The following NECAB1 variants were observed in gnomAD, a reference collection of about 807,000 sequenced individuals.
NECAB1 encodes the protein N-terminal EF-hand calcium-binding protein 1.
In NECAB1, 29 loss-of-function variants were observed where a neutral mutation model predicts 57.5. That is an observed-to-expected ratio of 0.50 (90% CI 0.38 to 0.69). The LOEUF (loss-of-function observed/expected upper bound fraction) is 0.69, where lower values mean the gene tolerates loss of function less well. Among genes scored for constraint, NECAB1 ranks in the 30% least tolerant of loss-of-function variants. The pLI is 0.00. For missense variants in NECAB1, 372 were observed against 413.8 expected (o/e 0.90, Z 0.88); for synonymous variants, 142 against 147.7 (o/e 0.96, Z 0.28).
chr8:90,828,536 T>A (rs1268577627), intron 3 of NECAB1, among the ~76,000 whole-genome samples: 1 of 152,052 alleles, frequency 6.6e-6, no homozygotes, highest in Non-Finnish European at 1.5e-5. Context: ...GTATAGTGAC[T>A]GTTTGCCAGA....
At chr8:90,926,907 C>A (rs1206829683) in intron 7 of NECAB1, among the ~76,000 whole-genome samples, 1 of 152,098 alleles carries the variant, frequency 6.6e-6, no homozygotes. Context: ...AGGGTATATA[C>A]AGATACTTCT....
chr8:90,836,145 A>C (rs1367759434), intron 3 of NECAB1, among the ~76,000 whole-genome samples: 1 of 152,234 alleles, frequency 6.6e-6, no homozygotes, highest in African/African-American at 2.4e-5. Context: ...TAACAGACAC[A>C]AAATACGTTC....
chr8:90,822,916 A>T (rs1812167412), intron 2 of NECAB1, among the ~76,000 whole-genome samples: 1 of 151,014 alleles, frequency 6.6e-6, no homozygotes, highest in South Asian at 2.1e-4. Context: ...TCGCTCTTTA[A>T]CCTCAGTCTG....
At chr8:90,939,254 A>C (rs1205663812) in intron 9 of NECAB1, among the ~76,000 whole-genome samples, 2 of 152,240 alleles carry the variant, frequency 1.3e-5, no homozygotes, top group Admixed American at 1.3e-4. Flanking sequence ...TTCATATGGT[A>C]ATCTCAGAGA....
At chr8:90,899,663 A>G (rs1809448898) in intron 5 of NECAB1, among the ~76,000 whole-genome samples, 1 of 152,202 alleles carries the variant, frequency 6.6e-6, no homozygotes, top group Non-Finnish European at 1.5e-5. Flanking sequence ...AAATATGTTG[A>G]TGCTCAAATC....
At position 90,791,840 on chromosome 8, in the gene NECAB1, G is replaced by A; in HGVS notation, c.-47G>A. ...CGGCCGCGCCCTTGCCAGAGCCGGT[G>A]CGTCCGCCTAGCCCCGCTCCGCCTG... On this transcript the variant is annotated 5_prime_UTR_variant, in exon 1 of 13. Coordinates refer to ENST00000417640, the MANE Select transcript of NECAB1 (RefSeq NM_022351.5). 6.8e-7 allele frequency: 1 copy of A among 1,472,206 alleles called. No homozygotes were observed. Among genetic ancestry groups the A allele is most frequent in the Non-Finnish European group, 9.2e-7 (1 of 1,082,760 alleles). 91.2% of individuals were successfully genotyped at this position (1,472,206 alleles called of 1,614,324 possible). A position where few individuals can be genotyped will look rare whatever the true frequency, so the allele number is the denominator to read the frequency against.
At chr8:90,872,399 T>C in intron 4 of NECAB1, 1 of 369,392 alleles carries the variant, frequency 2.7e-6, no homozygotes. Flanking sequence ...ATCAGTACAT[T>C]AGTTTCGCAA....
chr8:90,829,176 ATTTG>A (rs1405208559), intron 3 of NECAB1, among the ~76,000 whole-genome samples: 2 of 152,054 alleles, frequency 1.3e-5, no homozygotes, highest in Non-Finnish European at 1.5e-5. Flanking sequence ...AGCCCTTAAA[ATTTG>A]TTTGTAAAAG....
chr8:90,877,330 G>A (rs573357077), intron 4 of NECAB1, among the ~76,000 whole-genome samples: 38 of 152,134 alleles, frequency 2.5e-4, no homozygotes, highest in African/African-American at 9.2e-4. Flanking sequence ...ATCATCCTTA[G>A]TGCATCCCTT....
intron 8 of NECAB1, among the ~76,000 whole-genome samples, chr8:90,933,708 T>C (rs145308415): frequency 4.0e-4 from 61 of 152,198 alleles, no homozygotes; most frequent in East Asian, 1.3e-3. Flanking sequence ...ATACCACCTG[T>C]TCCCCAAAAA....
At chr8:90,815,002 T>C (rs12681978) in intron 2 of NECAB1, among the ~76,000 whole-genome samples, 59,575 of 151,862 alleles carry the variant, frequency 0.39, 12,749 homozygotes, top group East Asian at 0.81. Flanking sequence ...GAGCTAAACA[T>C]GAGTTTATAT....
At chr8:90,853,792 T>C (rs1376612671) in intron 3 of NECAB1, among the ~76,000 whole-genome samples, 2 of 152,182 alleles carry the variant, frequency 1.3e-5, no homozygotes, top group Admixed American at 6.5e-5. Context: ...CGACAAATAT[T>C]GCCAGGGAAG....
intron 5 of NECAB1, among the ~76,000 whole-genome samples, chr8:90,898,787 G>T (rs1391533913): frequency 1.3e-5 from 2 of 152,162 alleles, no homozygotes; most frequent in South Asian, 4.1e-4. Context: ...TCACAGTCAG[G>T]CACCTGGTAC....
At chr8:90,949,907 T>C in intron 11 of NECAB1, 23 bp downstream of exon 11, 1 of 1,477,144 alleles carries the variant, frequency 6.8e-7, no homozygotes, top group South Asian at 1.2e-5. Context: ...CAAGCCTGAT[T>C]TTATGTGAAG....
chr8:90,943,044 T>TAA (rs142230352), intron 10 of NECAB1, among the ~76,000 whole-genome samples: 3 of 152,092 alleles, frequency 2.0e-5, no homozygotes, highest in African/African-American at 7.2e-5. Flanking sequence ...TTTATATTTA[T>TAA]AAAAAAGGCG....
intron 3 of NECAB1, among the ~76,000 whole-genome samples, chr8:90,857,405 G>A (rs1386012349): frequency 6.6e-6 from 1 of 152,122 alleles, no homozygotes; most frequent in Non-Finnish European, 1.5e-5. Flanking sequence ...AACTAAAACA[G>A]ATGCCACTTC....
At chr8:90,892,997 C>G (rs1288458563) in intron 5 of NECAB1, among the ~76,000 whole-genome samples, 1 of 152,178 alleles carries the variant, frequency 6.6e-6, no homozygotes, top group Non-Finnish European at 1.5e-5. Flanking sequence ...TCCAGCTATG[C>G]TCAGCCATTT....
chr8:90,934,188 T>C lies in NECAB1; in HGVS notation c.694-116T>C, dbSNP rs534092747. The C allele has an allele frequency of 7.3e-6, 5 of 684,890 alleles. No individual in the cohort carries two copies. In the South Asian group the frequency reaches 8.3e-5, roughly 11 times the overall value. 42.4% of individuals were successfully genotyped at this position (684,890 alleles called of 1,614,324 possible). A position where few individuals can be genotyped will look rare whatever the true frequency, so the allele number is the denominator to read the frequency against. ...AATCAGTATTATTTCATCTTTAAGA[T>C]AATGAAGTTCTTTTGGTTCAATGTT... On this transcript the variant is annotated intron_variant, in intron 8 of 12. Coordinates refer to ENST00000417640, the MANE Select transcript of NECAB1 (RefSeq NM_022351.5).
intron 3 of NECAB1, among the ~76,000 whole-genome samples, chr8:90,841,659 G>C (rs1812459489): frequency 6.6e-6 from 1 of 152,172 alleles, no homozygotes; most frequent in Admixed American, 6.5e-5. Flanking sequence ...TTCAGCAACA[G>C]TGAAAATGAC....
Sources: gnomAD v4.1 joint callset for allele counts (sites outside exome capture counted in the v4.1 genomes callset) on GRCh38, gnomAD v4.1.1 for gene constraint, MANE v1.5 for transcripts, NCBI Gene and HGNC (gene_info 2026-07-23, HGNC 2026-07-21) for gene names.